MAK16: variants seen among roughly 807,000 people sequenced by gnomAD.
The protein encoded by MAK16 is MAK16 homolog, also known as protein MAK16 homolog.
In MAK16, 12 loss-of-function variants were observed where a neutral mutation model predicts 49.9. That is an observed-to-expected ratio of 0.24 (90% CI 0.15 to 0.39). The LOEUF is 0.39. MAK16 is among the 10% of genes least tolerant of loss of function. MAK16 has a pLI of 1.00. For missense variants in MAK16, 292 were observed against 363.7 expected, an observed-to-expected ratio of 0.80 and a Z score of 1.60; for synonymous variants, 115 against 126.4, an observed-to-expected ratio of 0.91 and a Z score of 0.60.
chr8:33,497,983 C>G (rs1198492430), intron 9 of MAK16, among the ~76,000 whole-genome samples: 4 of 151,394 alleles, frequency 2.6e-5, no homozygotes, highest in Admixed American at 2.0e-4. Context: ...GTAATCCCTG[C>G]TACTTGGGAG....
In MAK16 at chr8:33,500,237, G is replaced by A; in HGVS notation, c.*1608G>A. 1 of 1,482,054 alleles carries A rather than the reference G, an allele frequency of 6.7e-7. No individual in the cohort carries two copies. Among genetic ancestry groups the A allele is most frequent in the Non-Finnish European group, 9.3e-7 (1 of 1,072,114 alleles). 91.8% of individuals were successfully genotyped at this position (1,482,054 alleles called of 1,614,324 possible). On this transcript the variant is annotated 3_prime_UTR_variant, in exon 10 of 10. Transcript: ENST00000360128. ...CCCTCCATGTTCATTTCCAGACTTG[G>A]TCAGGCACATACATAGTAAATTATA...
Position 33,500,410 on chromosome 8 carries a change from G to GGT in MAK16, c.*1784_*1785dup, listed in dbSNP as rs1418006542. On this transcript the variant is annotated 3_prime_UTR_variant, in exon 10 of 10. Coordinates refer to ENST00000360128, the MANE Select transcript of MAK16 (RefSeq NM_032509.4). The stretch of plus-strand genomic sequence containing the variant: ...TAGCAGGGCGCTCTTAACAGACTCA[G>GGT]GTGTAAGGTTTGGATCCCTTGCTAC... 1 of 1,614,140 alleles carries GGT rather than the reference G, an allele frequency of 6.2e-7. No individual in the cohort carries two copies.
chr8:33,491,917 A>G (rs1353683434), intron 6 of MAK16, among the ~76,000 whole-genome samples: 1 of 152,042 alleles, frequency 6.6e-6, no homozygotes, highest in Non-Finnish European at 1.5e-5. Flanking sequence ...TACAGGTGTG[A>G]GCCACCATGT....
Position 33,498,638 on chromosome 8 carries a change from T to A in MAK16, c.*9T>A. ...AAGCCAAAACCACGTGATTTCCCTTTCAGCATTTATACCCAGGACTGAACA... is the reference window on the plus strand; with the variant it reads ...AAGCCAAAACCACGTGATTTCCCTTACAGCATTTATACCCAGGACTGAACA... On this transcript the variant is annotated 3_prime_UTR_variant, in exon 10 of 10. Transcript: ENST00000360128. 2 of 1,609,144 alleles carry A rather than the reference T, an allele frequency of 1.2e-6. No homozygotes were observed. The highest frequency in any genetic ancestry group is 8.5e-7 in the Non-Finnish European group (1 of 1,177,114).
In MAK16 at chr8:33,498,710, TC is replaced by T; in HGVS notation, c.*83del. ...TTTTTATCTTAAACACATACACACC[TC>T]CAGTTTTTGCTCTTTTGTGTTGTAC... On this transcript the variant is annotated 3_prime_UTR_variant, in exon 10 of 10. Coordinates refer to ENST00000360128, the MANE Select transcript of MAK16 (RefSeq NM_032509.4). 1 of 1,215,582 alleles carries T rather than the reference TC, an allele frequency of 8.2e-7. No individual in the cohort carries two copies. The highest frequency in any genetic ancestry group is 1.2e-6 in the Non-Finnish European group (1 of 869,016). The allele number at this position is 1,215,582 out of a possible 1,614,324, so 75.3% of individuals were successfully genotyped here. A position where few individuals can be genotyped will look rare whatever the true frequency, so the allele number is the denominator to read the frequency against.
intron 6 of MAK16, among the ~76,000 whole-genome samples, chr8:33,492,250 G>C (rs1020506616): frequency 6.6e-6 from 1 of 151,698 alleles, no homozygotes. Context: ...GACCTCAGGT[G>C]ATCTACCTGC....
intron 1 of MAK16, among the ~76,000 whole-genome samples, chr8:33,485,874 T>C (rs916683464): frequency 6.6e-6 from 1 of 152,164 alleles, no homozygotes; most frequent in African/African-American, 2.4e-5. Context: ...ATAATCATAC[T>C]ATGAAAGAAA....
intron 1 of MAK16, among the ~76,000 whole-genome samples, chr8:33,486,931 G>A (rs1196759458): frequency 6.6e-6 from 1 of 152,176 alleles, no homozygotes; most frequent in Non-Finnish European, 1.5e-5. Flanking sequence ...CATCCATTTA[G>A]AGATGATACT....
At chr8:33,491,095 T>C (rs1375439048) in intron 6 of MAK16, among the ~76,000 whole-genome samples, 1 of 152,248 alleles carries the variant, frequency 6.6e-6, no homozygotes, top group Non-Finnish European at 1.5e-5. Context: ...TCCATCCATG[T>C]TGTTACAAAT....
chr8:33,492,175 GTT>G (rs1236297896), intron 6 of MAK16, among the ~76,000 whole-genome samples: 1 of 151,882 alleles, frequency 6.6e-6, no homozygotes, highest in Non-Finnish European at 1.5e-5. Flanking sequence ...ATGCCTGGCT[GTT>G]TGTTTTGTAT....
intron 1 of MAK16, among the ~76,000 whole-genome samples, chr8:33,486,948 C>T (rs1808697579): frequency 6.6e-6 from 1 of 152,144 alleles, no homozygotes; most frequent in Admixed American, 6.6e-5. Flanking sequence ...TACTTAAAGC[C>T]ACAAGCCTAA....
intron 7 of MAK16, among the ~76,000 whole-genome samples, 163 bp from the exon 8 acceptor site, chr8:33,496,462 T>C (rs1304036855): frequency 1.3e-5 from 2 of 152,190 alleles, no homozygotes; most frequent in African/African-American, 2.4e-5. Context: ...CAAAAGAACA[T>C]GCTTTTTTAA....
At chr8:33,492,250 G>A (rs1020506616) in intron 6 of MAK16, among the ~76,000 whole-genome samples, 1 of 151,698 alleles carries the variant, frequency 6.6e-6, no homozygotes. Flanking sequence ...GACCTCAGGT[G>A]ATCTACCTGC....
chr8:33,486,687 G>A (rs1374303949), intron 1 of MAK16, among the ~76,000 whole-genome samples: 1 of 152,196 alleles, frequency 6.6e-6, no homozygotes, highest in Non-Finnish European at 1.5e-5. Flanking sequence ...TGGATTAAGT[G>A]AAGAAGAAAA....
chr8:33,486,457 C>G (rs1231528340), intron 1 of MAK16, among the ~76,000 whole-genome samples: 1 of 152,120 alleles, frequency 6.6e-6, no homozygotes, highest in Non-Finnish European at 1.5e-5. Flanking sequence ...AAGGCTGAGG[C>G]AGAAGGACTA....
chr8:33,493,548 G>C (rs965849601), intron 6 of MAK16, among the ~76,000 whole-genome samples: 11 of 152,284 alleles, frequency 7.2e-5, no homozygotes, highest in African/African-American at 2.4e-4. Flanking sequence ...TTGTCTTGAA[G>C]GGCTGTCATA....
intron 1 of MAK16, 148 bp downstream of exon 1, chr8:33,485,369 G>T: frequency 1.9e-6 from 2 of 1,050,412 alleles, no homozygotes; most frequent in Non-Finnish European, 2.9e-6. Flanking sequence ...TTCCAACATA[G>T]GTTCTCACGC....
chr8:33,496,351 C>T (rs1808857709), intron 7 of MAK16, among the ~76,000 whole-genome samples: 1 of 151,956 alleles, frequency 6.6e-6, no homozygotes, highest in African/African-American at 2.4e-5. Context: ...GACATTTGTC[C>T]CAATGCATGG....
At chr8:33,485,363 A>G in intron 1 of MAK16, 142 bp downstream of exon 1, 1 of 1,127,512 alleles carries the variant, frequency 8.9e-7, no homozygotes. Context: ...CCGATTTTCC[A>G]ACATAGGTTC....
Sources: allele counts gnomAD v4.1 joint callset (sites outside exome capture counted in the v4.1 genomes callset), GRCh38; gene constraint gnomAD v4.1.1; transcripts MANE v1.5; gene names NCBI Gene and HGNC (gene_info 2026-07-23, HGNC 2026-07-21).